Variants in CSMD3 observed in about 807,000 individuals in gnomAD.
The protein encoded by CSMD3 is CUB and Sushi multiple domains 3, also known as CUB and sushi domain-containing protein 3.
Under a neutral mutation model 435.2 loss-of-function variants are expected in CSMD3, and 177 were observed. The ratio of observed to expected loss-of-function variants is 0.41; its 90% confidence interval spans 0.36 to 0.46. The LOEUF (loss-of-function observed/expected upper bound fraction) is 0.46, where lower values mean the gene tolerates loss of function less well. Among genes scored for constraint, CSMD3 ranks in the 20% least tolerant of loss-of-function variants. The pLI is 0.34. For missense variants in CSMD3, 4,265 were observed against 4,504.6 expected, an observed-to-expected ratio of 0.95 and a Z score of 1.52; for synonymous variants, 1,656 against 1,520.5, an observed-to-expected ratio of 1.09 and a Z score of -2.07.
chr8:112,359,106 TA>T (rs1826924312), intron 38 of CSMD3, among the ~76,000 whole-genome samples: 1 of 152,176 alleles, frequency 6.6e-6, no homozygotes, highest in South Asian at 2.1e-4. Flanking sequence ...CATTGTTTAT[TA>T]TTCATTTTGT....
At chr8:112,718,316 G>T (rs1486742455) in intron 13 of CSMD3, among the ~76,000 whole-genome samples, 1 of 151,832 alleles carries the variant, frequency 6.6e-6, no homozygotes, top group Non-Finnish European at 1.5e-5. Flanking sequence ...CTTTATTCTT[G>T]AGAGGTTTCA....
chr8:112,478,290 G>A (rs1199385288), intron 31 of CSMD3, among the ~76,000 whole-genome samples: 9 of 152,132 alleles, frequency 5.9e-5, no homozygotes, highest in African/African-American at 2.2e-4. Flanking sequence ...TTAGAAATGG[G>A]TAATGGGCAA....
chr8:112,364,905 A>T (rs1417256662), intron 38 of CSMD3, among the ~76,000 whole-genome samples: 2 of 152,142 alleles, frequency 1.3e-5, no homozygotes, highest in African/African-American at 4.8e-5. Flanking sequence ...GATCAGGAAA[A>T]AGAAAACTTG....
intron 1 of CSMD3, among the ~76,000 whole-genome samples, chr8:113,327,713 T>C (rs796848861): frequency 1.6e-4 from 25 of 152,266 alleles, no homozygotes; most frequent in African/African-American, 5.8e-4. Flanking sequence ...TTGCTGTTAT[T>C]TGGCCTGACA....
At chr8:113,097,310 G>C (rs564275484) in intron 5 of CSMD3, among the ~76,000 whole-genome samples, 34 of 152,086 alleles carry the variant, frequency 2.2e-4, no homozygotes, top group African/African-American at 8.2e-4. Context: ...AATACTTGTT[G>C]AGGTGCCTGC....
intron 9 of CSMD3, among the ~76,000 whole-genome samples, chr8:112,940,028 C>T (rs77800269): frequency 2.0e-5 from 3 of 151,894 alleles, no homozygotes; most frequent in Non-Finnish European, 2.9e-5. Flanking sequence ...TATATACTAA[C>T]GGTCTCTTTG....
rs371271590 is a variant in CSMD3, at chr8:112,337,747, A to G, written c.6653-16T>C. 230 of 1,600,932 alleles carry G rather than the reference A, an allele frequency of 1.4e-4. 1 individual carries two copies. The Middle Eastern group carries it at 2.5e-3, about 17-fold the overall frequency. ...AACTGATAGGCTGGAAAGAGGAAAA[A>G]GAAAGACATTTTTTCTTTCCAAATT... On this transcript the variant is annotated splice_polypyrimidine_tract_variant and intron_variant, in intron 42 of 70. Transcript: ENST00000297405.
intron 2 of CSMD3, among the ~76,000 whole-genome samples, chr8:113,290,850 T>C (rs2093681582): frequency 6.6e-6 from 1 of 151,502 alleles, no homozygotes; most frequent in Non-Finnish European, 1.5e-5. Flanking sequence ...ATAGGCCATA[T>C]TCTAACATTT....
At chr8:113,143,427 C>G (rs2091597555) in intron 4 of CSMD3, among the ~76,000 whole-genome samples, 1 of 151,398 alleles carries the variant, frequency 6.6e-6, no homozygotes, top group Admixed American at 6.6e-5. Context: ...GCTAAAGAAA[C>G]AGAACATGCA....
intron 1 of CSMD3, among the ~76,000 whole-genome samples, chr8:113,325,442 C>G (rs1325711966): frequency 1.3e-5 from 2 of 152,168 alleles, no homozygotes; most frequent in Non-Finnish European, 2.9e-5. Flanking sequence ...TTGCCTGCTG[C>G]CATCCATGTA....
rs545608244 is a variant in CSMD3, at chr8:113,094,483, G to C, written c.917+4273C>G. 3.3e-5 allele frequency among the ~76,000 whole-genome samples: 5 copies of C among 152,104 alleles called. No homozygotes were observed. The South Asian group carries it at 1.0e-3, about 32-fold the overall frequency. ...CTTTATCATTAATTTTTCAATGTCTGGTAGGTGATCACCATCACAGTATTA... is the reference window on the plus strand; with the variant it reads ...CTTTATCATTAATTTTTCAATGTCTCGTAGGTGATCACCATCACAGTATTA... On this transcript the variant is annotated intron_variant, in intron 5 of 70. Coordinates refer to ENST00000297405, the MANE Select transcript of CSMD3 (RefSeq NM_198123.2).
intron 28 of CSMD3, among the ~76,000 whole-genome samples, chr8:112,510,837 T>A (rs925059553): frequency 2.6e-5 from 4 of 152,200 alleles, no homozygotes; most frequent in East Asian, 1.9e-4. Flanking sequence ...TAGAATTCAG[T>A]GCATACTATA....
chr8:112,297,384 A>C (rs946714858), intron 53 of CSMD3, among the ~76,000 whole-genome samples: 1 of 152,180 alleles, frequency 6.6e-6, no homozygotes, highest in Non-Finnish European at 1.5e-5. Context: ...AAATGATAAT[A>C]CATCATGATT....
chr8:113,416,815 A>T (rs539792342), intron 1 of CSMD3, among the ~76,000 whole-genome samples: 1 of 152,240 alleles, frequency 6.6e-6, no homozygotes, highest in South Asian at 2.1e-4. Flanking sequence ...TAAAAAACAT[A>T]ACTAAAAATA....
chr8:112,473,561 C>T (rs1438192820), intron 31 of CSMD3, among the ~76,000 whole-genome samples: 1 of 151,908 alleles, frequency 6.6e-6, no homozygotes, highest in Non-Finnish European at 1.5e-5. Flanking sequence ...AATTATTATC[C>T]TGGGGGTCAA....
Position 112,337,671 on chromosome 8 carries a change from T to C in CSMD3, c.6713A>G (p.Asn2238Ser), listed in dbSNP as rs765004019. The C allele has an allele frequency of 6.2e-7, 1 of 1,613,736 alleles. No individual in the cohort carries two copies. The highest frequency in any genetic ancestry group is 8.5e-7 in the Non-Finnish European group (1 of 1,179,698). The change falls in exon 43 of 71, where the codon AAT becomes AGT. Residue 2238 changes from asparagine (N) to serine (S), a missense_variant. Physicochemically the swap from Asn to Ser is conservative, Grantham distance 46. Coordinates refer to ENST00000297405, the MANE Select transcript of CSMD3 (RefSeq NM_198123.2). ...RPFRNGFVIG[N>S]DFTVGQTISF... Reference sequence around the variant, plus strand: ...AATGGTTTGACCCACAGTAAAATCATTACCAATTACAAAACCATTTCGAAA... The same window carrying C: ...AATGGTTTGACCCACAGTAAAATCACTACCAATTACAAAACCATTTCGAAA...
At chr8:113,080,067 C>G (rs2089494853) in intron 5 of CSMD3, among the ~76,000 whole-genome samples, 2 of 152,204 alleles carry the variant, frequency 1.3e-5, no homozygotes, top group South Asian at 4.1e-4. Flanking sequence ...AGGGGAAGGA[C>G]AGAGGATTGT....
chr8:113,145,523 T>G (rs1464757095), intron 4 of CSMD3, among the ~76,000 whole-genome samples: 1 of 151,604 alleles, frequency 6.6e-6, no homozygotes, highest in Non-Finnish European at 1.5e-5. Context: ...TTGTCATGTA[T>G]CATAATTGTA....
intron 13 of CSMD3, among the ~76,000 whole-genome samples, chr8:112,776,029 G>A (rs994271616): frequency 6.6e-6 from 1 of 151,768 alleles, no homozygotes; most frequent in African/African-American, 2.4e-5. Flanking sequence ...AAAAATGTTA[G>A]GATCTGTCTC....
Sources: gnomAD v4.1 joint callset for allele counts (sites outside exome capture counted in the v4.1 genomes callset) on GRCh38, gnomAD v4.1.1 for gene constraint, MANE v1.5 for transcripts, NCBI Gene and HGNC (gene_info 2026-07-23, HGNC 2026-07-21) for gene names.